Variants in KCNT2 observed in about 807,000 individuals in gnomAD.
KCNT2 encodes the protein potassium channel subfamily T member 2.
Under a neutral mutation model 153.8 loss-of-function variants are expected in KCNT2, and 67 were observed. The ratio of observed to expected loss-of-function variants is 0.44; its 90% CI spans 0.36 to 0.53. The LOEUF (loss-of-function observed/expected upper bound fraction) is 0.53, where lower values mean the gene tolerates loss of function less well. Among genes scored for constraint, KCNT2 ranks in the 20% least tolerant of loss-of-function variants. The pLI, the probability that KCNT2 is intolerant of heterozygous loss-of-function variation, is 0.00. For missense variants in KCNT2, 975 were observed against 1,354.8 expected (o/e 0.72, Z 4.40); for synonymous variants, 500 against 458.8 (o/e 1.09, Z -1.15).
At chr1:196,350,156 G>A (rs189992997) in intron 14 of KCNT2, among the ~76,000 whole-genome samples, 19 of 152,180 alleles carry the variant, frequency 1.2e-4, no homozygotes, top group East Asian at 7.7e-4. Flanking sequence ...GAATAGAGCC[G>A]CAATAAACAT....
intron 1 of KCNT2, among the ~76,000 whole-genome samples, chr1:196,565,355 G>T (rs1659979154): frequency 1.3e-5 from 2 of 151,698 alleles, no homozygotes; most frequent in Admixed American, 1.3e-4. Context: ...GTGTGAATTA[G>T]TAGAGCCATT....
intron 1 of KCNT2, among the ~76,000 whole-genome samples, chr1:196,552,693 C>G (rs1190473483): frequency 6.6e-6 from 1 of 151,188 alleles, no homozygotes; most frequent in African/African-American, 2.4e-5. Context: ...ATGAACCAAT[C>G]AAAAATAATA....
At chr1:196,309,385 C>T (rs1661942431) in intron 21 of KCNT2, among the ~76,000 whole-genome samples, 2 of 151,804 alleles carry the variant, frequency 1.3e-5, no homozygotes, top group African/African-American at 4.8e-5. Context: ...ATATATGTAG[C>T]TAGAAGTATT....
intron 22 of KCNT2, among the ~76,000 whole-genome samples, chr1:196,288,122 G>GT (rs777524630): frequency 2.7e-5 from 4 of 145,978 alleles, no homozygotes; most frequent in Non-Finnish European, 5.9e-5. Context: ...TCTAGTGGAA[G>GT]TAAAAAAAAA....
intron 1 of KCNT2, among the ~76,000 whole-genome samples, chr1:196,565,162 C>T (rs1659942280): frequency 7.0e-6 from 1 of 143,170 alleles, no homozygotes; most frequent in African/African-American, 2.6e-5. Flanking sequence ...CAAAGAAAAA[C>T]ATATAAATGG....
chr1:196,419,191 T>C (rs1204646775), intron 12 of KCNT2, among the ~76,000 whole-genome samples: 1 of 151,346 alleles, frequency 6.6e-6, no homozygotes, highest in Non-Finnish European at 1.5e-5. Flanking sequence ...TTATTATTAT[T>C]ATACTTTAAG....
At chr1:196,603,698 A>T (rs751481687) in intron 1 of KCNT2, among the ~76,000 whole-genome samples, 10 of 152,052 alleles carry the variant, frequency 6.6e-5, no homozygotes, top group Non-Finnish European at 1.5e-4. Flanking sequence ...GGTATGCATG[A>T]TTATTGGATT....
intron 5 of KCNT2, among the ~76,000 whole-genome samples, chr1:196,475,569 C>T (rs1678462082): frequency 6.6e-6 from 1 of 151,818 alleles, no homozygotes; most frequent in African/African-American, 2.4e-5. Flanking sequence ...AATCACGCCA[C>T]TGCACTCCAG....
chr1:196,373,360 G>A, intron 13 of KCNT2, 112 bp from the exon 14 acceptor site: 1 of 612,090 alleles, frequency 1.6e-6, no homozygotes, highest in East Asian at 2.9e-5. Context: ...AAACATACTT[G>A]TTTTAGAGAT....
chr1:196,487,980 G>A (rs1267240013), intron 3 of KCNT2, among the ~76,000 whole-genome samples: 1 of 151,980 alleles, frequency 6.6e-6, no homozygotes, highest in Non-Finnish European at 1.5e-5. Context: ...TCATCTTTCA[G>A]TGTAATTTAT....
chr1:196,287,787 A>T (rs1399716752), intron 22 of KCNT2, among the ~76,000 whole-genome samples: 1 of 152,096 alleles, frequency 6.6e-6, no homozygotes, highest in African/African-American at 2.4e-5. Context: ...TATAGAACTA[A>T]CAGTATCTTA....
chr1:196,420,334 A>G (rs1673097223), intron 12 of KCNT2, among the ~76,000 whole-genome samples: 1 of 151,732 alleles, frequency 6.6e-6, no homozygotes, highest in South Asian at 2.1e-4. Context: ...ACTATATGGT[A>G]TTGTTTGATT....
intron 26 of KCNT2, among the ~76,000 whole-genome samples, chr1:196,236,990 A>G (rs1654499948): frequency 6.6e-6 from 1 of 151,650 alleles, no homozygotes; most frequent in African/African-American, 2.4e-5. Context: ...ATAGTATTCC[A>G]GGCACTGCAG....
intron 1 of KCNT2, among the ~76,000 whole-genome samples, chr1:196,604,908 G>A (rs112555429): frequency 1.3e-5 from 2 of 152,154 alleles, no homozygotes; most frequent in African/African-American, 4.8e-5. Context: ...ACAAAAGGTG[G>A]CACAATATAA....
intron 26 of KCNT2, among the ~76,000 whole-genome samples, chr1:196,236,614 A>G (rs1654465381): frequency 6.6e-6 from 1 of 151,636 alleles, no homozygotes; most frequent in Non-Finnish European, 1.5e-5. Flanking sequence ...GCAGAATGCA[A>G]AGAATCCTCT....
intron 1 of KCNT2, among the ~76,000 whole-genome samples, chr1:196,562,879 T>G (rs1165366688): frequency 6.6e-6 from 1 of 152,000 alleles, no homozygotes; most frequent in Non-Finnish European, 1.5e-5. Flanking sequence ...TCTTTTCAAT[T>G]TAGCTAAACT....
intron 25 of KCNT2, among the ~76,000 whole-genome samples, chr1:196,269,321 C>T (rs1283638364): frequency 2.0e-5 from 3 of 152,006 alleles, no homozygotes; most frequent in Non-Finnish European, 4.4e-5. Context: ...ACTATAGTGG[C>T]CCAATGGTCT....
chr1:196,381,910 G>A (rs1181791096), intron 13 of KCNT2, among the ~76,000 whole-genome samples: 1 of 152,046 alleles, frequency 6.6e-6, no homozygotes, highest in East Asian at 1.9e-4. Flanking sequence ...TAATTTGAAT[G>A]ACTGATTCAA....
At chr1:196,462,268 T>G (rs1183512135) in intron 8 of KCNT2, among the ~76,000 whole-genome samples, 1 of 151,680 alleles carries the variant, frequency 6.6e-6, no homozygotes, top group Non-Finnish European at 1.5e-5. Context: ...AAAAGTACTC[T>G]GAATGAAGTA....
Sources: gnomAD v4.1 joint callset for allele counts (sites outside exome capture counted in the v4.1 genomes callset) on GRCh38, gnomAD v4.1.1 for gene constraint, MANE v1.5 for transcripts, NCBI Gene and HGNC (gene_info 2026-07-23, HGNC 2026-07-21) for gene names.